Variants in ROBO2 observed in about 807,000 individuals in gnomAD.
ROBO2 encodes the protein roundabout guidance receptor 2.
In ROBO2, 53 loss-of-function variants were observed where a neutral mutation model predicts 160.8. That is an observed-to-expected ratio of 0.33 (90% CI 0.26 to 0.41). ROBO2 has a LOEUF of 0.41. Ranked by LOEUF, ROBO2 falls within the 10% of genes least tolerant of loss-of-function variation. ROBO2 has a pLI of 1.00. For synonymous variants in ROBO2, 664 were observed against 611.7 expected, an observed-to-expected ratio of 1.09 and a Z score of -1.26; for missense variants, 1,577 against 1,722.4, an observed-to-expected ratio of 0.92 and a Z score of 1.49.
chr3:76,392,135 G>A (rs2077185089), intron 2 of ROBO2, among the ~76,000 whole-genome samples: 2 of 152,080 alleles, frequency 1.3e-5, no homozygotes, highest in African/African-American at 4.8e-5. Context: ...ATATATTTAT[G>A]CCTAATTATG....
At chr3:76,722,669 GT>G (rs1422592358) in intron 2 of ROBO2, among the ~76,000 whole-genome samples, 1 of 152,160 alleles carries the variant, frequency 6.6e-6, no homozygotes, top group East Asian at 1.9e-4. Context: ...TATCGCCACA[GT>G]TGTGTCTCTT....
intron 2 of ROBO2, among the ~76,000 whole-genome samples, chr3:76,736,603 G>T (rs551407760): frequency 6.6e-6 from 1 of 152,292 alleles, no homozygotes; most frequent in South Asian, 2.1e-4. Context: ...TTCTGGAAGA[G>T]GATCTGCAGT....
At chr3:76,162,060 T>C (rs919868613) in intron 2 of ROBO2, among the ~76,000 whole-genome samples, 2 of 152,164 alleles carry the variant, frequency 1.3e-5, no homozygotes, top group African/African-American at 2.4e-5. Context: ...CCATGAGTCA[T>C]GACTGAAAAA....
chr3:75,953,030 G>A (rs774154979), intron 2 of ROBO2, among the ~76,000 whole-genome samples: 15 of 151,912 alleles, frequency 9.9e-5, no homozygotes, highest in Non-Finnish European at 2.1e-4. Flanking sequence ...ACTTCCTGAA[G>A]GACATTTTGA....
intron 2 of ROBO2, among the ~76,000 whole-genome samples, chr3:77,247,340 A>G (rs1215775055): frequency 1.3e-5 from 2 of 151,954 alleles, no homozygotes; most frequent in Non-Finnish European, 2.9e-5. Context: ...AAATCAGCAG[A>G]CTCTATTTAT....
chr3:76,066,017 G>A (rs1175252692), intron 2 of ROBO2, among the ~76,000 whole-genome samples: 1 of 150,764 alleles, frequency 6.6e-6, no homozygotes, highest in South Asian at 2.1e-4. Flanking sequence ...TGTGTTCCAA[G>A]AATTCTCACT....
intron 2 of ROBO2, among the ~76,000 whole-genome samples, chr3:77,256,737 C>T (rs1239261307): frequency 6.6e-6 from 1 of 152,116 alleles, no homozygotes; most frequent in Non-Finnish European, 1.5e-5. Context: ...AGCATGAAAC[C>T]AAGGCTCTCG....
intron 2 of ROBO2, among the ~76,000 whole-genome samples, chr3:77,246,995 T>C (rs2089803292): frequency 1.3e-5 from 2 of 152,202 alleles, no homozygotes; most frequent in East Asian, 1.9e-4. Flanking sequence ...GTGGATTATA[T>C]TCAATTTAAT....
At chr3:76,455,752 C>T (rs1428517570) in intron 2 of ROBO2, among the ~76,000 whole-genome samples, 1 of 152,106 alleles carries the variant, frequency 6.6e-6, no homozygotes, top group Non-Finnish European at 1.5e-5. Flanking sequence ...AAACACATAG[C>T]AAGCATATAG....
intron 2 of ROBO2, among the ~76,000 whole-genome samples, chr3:76,785,698 A>G (rs575900550): frequency 2.0e-5 from 3 of 151,326 alleles, no homozygotes; most frequent in South Asian, 4.2e-4. Flanking sequence ...TACATATGAC[A>G]CTATCCATAT....
At chr3:76,660,997 T>C (rs1284171187) in intron 2 of ROBO2, among the ~76,000 whole-genome samples, 1 of 152,160 alleles carries the variant, frequency 6.6e-6, no homozygotes, top group Non-Finnish European at 1.5e-5. Flanking sequence ...TTTTACAGGA[T>C]ATTAAATACA....
intron 2 of ROBO2, among the ~76,000 whole-genome samples, chr3:77,034,681 A>G (rs528051505): frequency 6.6e-6 from 1 of 152,066 alleles, no homozygotes; most frequent in Non-Finnish European, 1.5e-5. Flanking sequence ...ACGGGTATCT[A>G]TAGGACCCAT....
At chr3:77,080,157 A>G (rs979408391) in intron 1 of ROBO2, among the ~76,000 whole-genome samples, 2 of 152,122 alleles carry the variant, frequency 1.3e-5, no homozygotes, top group East Asian at 3.9e-4. Context: ...GAACCAATTA[A>G]TGGTAGATAA....
chr3:77,327,359 A>C (rs1424983791), intron 2 of ROBO2, among the ~76,000 whole-genome samples: 1 of 152,184 alleles, frequency 6.6e-6, no homozygotes, highest in Non-Finnish European at 1.5e-5. Flanking sequence ...AGAAACTGAC[A>C]GGTCTGTATC....
intron 2 of ROBO2, among the ~76,000 whole-genome samples, chr3:76,563,943 TGC>T (rs1374608227): frequency 6.6e-6 from 1 of 152,232 alleles, no homozygotes; most frequent in Non-Finnish European, 1.5e-5. Context: ...AGTATGCTCT[TGC>T]CTGAAATCTC....
chr3:76,037,260 CTTTTTTT>C (rs5850229), intron 2 of ROBO2, among the ~76,000 whole-genome samples: 2 of 137,182 alleles, frequency 1.5e-5, no homozygotes, highest in Non-Finnish European at 3.1e-5. Context: ...TTTCTTTTTT[CTTTTTTT>C]TTTTTTTTTA....
chr3:77,595,311 T>C (rs760593310), intron 18 of ROBO2, 127 bp downstream of exon 19: 254 of 737,270 alleles, frequency 3.4e-4, no homozygotes, highest in Non-Finnish European at 5.0e-4. Context: ...AGGAATTAAA[T>C]GGCTTACCAC....
upstream of ROBO2, among the ~76,000 whole-genome samples, chr3:77,035,506 T>G (rs1035434569): frequency 6.6e-6 from 1 of 151,968 alleles, no homozygotes; most frequent in Non-Finnish European, 1.5e-5. Flanking sequence ...GTGATTTTAT[T>G]CTGCAGAGAA....
intron 2 of ROBO2, among the ~76,000 whole-genome samples, chr3:77,225,227 G>C (rs1489312698): frequency 6.6e-6 from 1 of 151,700 alleles, no homozygotes; most frequent in African/African-American, 2.4e-5. Flanking sequence ...TTTATTGTAG[G>C]CACTTTGTTT....
Sources: gnomAD v4.1 joint callset for allele counts (sites outside exome capture counted in the v4.1 genomes callset) on GRCh38, gnomAD v4.1.1 for gene constraint, MANE v1.5 for transcripts, NCBI Gene and HGNC (gene_info 2026-07-23, HGNC 2026-07-21) for gene names.